The following KICS2 variants were observed in gnomAD, a reference collection of about 807,000 sequenced individuals.
The protein encoded by KICS2 is KICSTOR subunit 2.
In KICS2, 13 loss-of-function variants were observed where a neutral mutation model predicts 31.4. The ratio of observed to expected loss-of-function variants is 0.41; its 90% CI spans 0.27 to 0.66. The LOEUF is 0.66. Ranked by LOEUF, KICS2 falls within the 30% of genes least tolerant of loss-of-function variation. The pLI is 0.28. For missense variants in KICS2, 455 were observed against 545.4 expected (o/e 0.83, Z 1.65); for synonymous variants, 209 against 214.8 (o/e 0.97, Z 0.24).
intron 2 of KICS2, among the ~76,000 whole-genome samples, chr12:64,195,668 T>A (rs979418114): frequency 5.9e-5 from 9 of 152,222 alleles, no homozygotes; most frequent in Admixed American, 3.3e-4. Flanking sequence ...ACGGGTGATT[T>A]CTGCATTTCC....
At chr12:64,201,861 C>G (rs1228571447) in intron 2 of KICS2, among the ~76,000 whole-genome samples, 1 of 151,708 alleles carries the variant, frequency 6.6e-6, no homozygotes, top group African/African-American at 2.4e-5. Context: ...AACAAACAAA[C>G]AAACAAATGG....
At position 64,193,498 on chromosome 12, in the gene KICS2, T is replaced by C. The variant is rs1246904797; in HGVS notation, c.*344A>G. ...ACAGAGAGGCTGTTTGGAATTGCAG[T>C]AGAACACAATGTTTAGAACAACAGA... On this transcript the variant is annotated 3_prime_UTR_variant, in exon 3 of 3. Coordinates refer to ENST00000398055, the MANE Select transcript of KICS2 (RefSeq NM_152440.5). 2.9e-6 allele frequency: 3 copies of C among 1,034,852 alleles called. No homozygotes were observed. Among genetic ancestry groups the C allele is most frequent in the African/African-American group, 1.7e-5 (1 of 58,646 alleles). The allele number at this position is 1,034,852 out of a possible 1,614,324, so 64.1% of individuals were successfully genotyped here.
At chr12:64,187,533 G>A (rs1294956773), downstream of KICS2, 2 of 1,084,156 alleles carry the variant, frequency 1.8e-6, no homozygotes, top group African/African-American at 3.1e-5. Flanking sequence ...CATATCAAGA[G>A]AAGTCTCCAA....
intron 2 of KICS2, among the ~76,000 whole-genome samples, chr12:64,196,775 A>AC (rs1195290409): frequency 4.1e-5 from 6 of 147,210 alleles, no homozygotes; most frequent in African/African-American, 1.5e-4. Context: ...GGAGCTGAAA[A>AC]CCAAGGCTCG....
chr12:64,196,333 G>A (rs1015145015), intron 2 of KICS2, among the ~76,000 whole-genome samples: 119 of 151,822 alleles, frequency 7.8e-4, no homozygotes, highest in Non-Finnish European at 1.5e-3. Flanking sequence ...CCCCCCAGCA[G>A]GGGCAGACTG....
intron 1 of KICS2, among the ~76,000 whole-genome samples, chr12:64,218,911 C>T (rs1187427999): frequency 6.6e-6 from 1 of 152,196 alleles, no homozygotes; most frequent in East Asian, 1.9e-4. Context: ...TCAAAGCTCT[C>T]AGGAACCCAA....
chr12:64,215,595 A>G (rs1308446616), intron 2 of KICS2, 83 bp downstream of exon 2: 9 of 1,187,558 alleles, frequency 7.6e-6, no homozygotes, highest in African/African-American at 4.6e-5. Context: ...ACAGATTTTC[A>G]TAAGAGTGTG....
chr12:64,219,482 C>T (rs2136709453), intron 1 of KICS2, among the ~76,000 whole-genome samples: 1 of 152,274 alleles, frequency 6.6e-6, no homozygotes, highest in South Asian at 2.1e-4. Flanking sequence ...CAAGGTCTAT[C>T]CTTTGTCTAA....
At chr12:64,202,318 G>C (rs779552348) in intron 2 of KICS2, among the ~76,000 whole-genome samples, 4 of 152,014 alleles carry the variant, frequency 2.6e-5, no homozygotes, top group Non-Finnish European at 5.9e-5. Context: ...GGCTGAGGTG[G>C]GAAGATCACC....
rs1332656482 is a variant in KICS2 at position 64,197,484 on chromosome 12, C to T, written c.522-2826G>A. 6.6e-5 allele frequency among the ~76,000 whole-genome samples: 10 copies of T among 150,874 alleles called. 1 individual carries two copies. Among genetic ancestry groups the T allele is most frequent in the East Asian group, 3.9e-4 (2 of 5,148 alleles). ...ATGGAAAGGAACAACCAGTACCAGC[C>T]GCTGCAAAATCATGCCAAAATGTAA... On this transcript the variant is annotated intron_variant, in intron 2 of 2. Transcript: ENST00000398055.
rs1477330808 is a variant in KICS2, at chr12:64,193,576, T to C, written c.*266A>G. The stretch of plus-strand genomic sequence containing the variant: ...ATAAATATTCAATCTACAAGAAATA[T>C]AGCAAAATAGGGGAAAATACTGAAA... On this transcript the variant is annotated 3_prime_UTR_variant, in exon 3 of 3. Transcript: ENST00000398055. The C allele has an allele frequency of 8.3e-6, 10 of 1,200,800 alleles. No homozygotes were observed. Among genetic ancestry groups the C allele is most frequent in the African/African-American group, 1.6e-5 (1 of 64,020 alleles). 74.4% of individuals were successfully genotyped at this position (1,200,800 alleles called of 1,614,324 possible).
rs866246382 is a variant in KICS2, at chr12:64,206,470, G to C, written c.521+9208C>G. On this transcript the variant is annotated intron_variant, in intron 2 of 2. Transcript: ENST00000398055. ...CACTGGACCTTCCATGGCAGAAGGA[G>C]GTATTTATAATGAATACAAAGTAGA... is the stretch of plus-strand genomic sequence containing the variant. 1.3e-5 allele frequency among the ~76,000 whole-genome samples: 2 copies of C among 152,074 alleles called. 1 individual carries two copies. Among genetic ancestry groups the C allele is most frequent in the South Asian group, 4.1e-4 (2 of 4,824 alleles).
downstream of KICS2, among the ~76,000 whole-genome samples, chr12:64,189,023 C>T (rs1161283173): frequency 2.0e-5 from 3 of 151,980 alleles, no homozygotes; most frequent in Non-Finnish European, 2.9e-5. Flanking sequence ...CATGGTGGCA[C>T]GTGCCTGTAG....
At chr12:64,219,424 C>G (rs1272650464) in intron 1 of KICS2, among the ~76,000 whole-genome samples, 1 of 152,098 alleles carries the variant, frequency 6.6e-6, no homozygotes, top group Non-Finnish European at 1.5e-5. Flanking sequence ...GGGCCCTACT[C>G]GAAGTTTTTC....
chr12:64,208,298 T>G (rs1429136566), intron 2 of KICS2, among the ~76,000 whole-genome samples: 3 of 152,338 alleles, frequency 2.0e-5, no homozygotes, highest in Non-Finnish European at 4.4e-5. Flanking sequence ...CATTAGACAC[T>G]GCGCCTGGCC....
chr12:64,222,030 T>G lies in KICS2; in HGVS notation c.208A>C (p.Ser70Arg). 6.2e-7 allele frequency: 1 copy of G among 1,613,662 alleles called. No individual in the cohort carries two copies. The highest frequency in any genetic ancestry group is 8.5e-7 in the Non-Finnish European group (1 of 1,179,876). Residue 70 changes from serine (S) to arginine (R), a missense_variant, in exon 1 of 3, where the codon AGC becomes CGC. Ser to Arg is a moderately radical substitution (Grantham distance 110). Transcript: ENST00000398055. ...HLAAAEKVYH[S>R]LTYLGQKLGG... Reference sequence around the variant, plus strand: ...AGTTTCTGCCCCAGGTAGGTGAGGCTGTGATAGACCTTCTCGGCCGCGGCC... The same window carrying G: ...AGTTTCTGCCCCAGGTAGGTGAGGCGGTGATAGACCTTCTCGGCCGCGGCC...
chr12:64,205,462 G>A (rs547171458), intron 2 of KICS2, among the ~76,000 whole-genome samples: 5 of 152,164 alleles, frequency 3.3e-5, no homozygotes, highest in East Asian at 1.9e-4. Context: ...TTCACAACTC[G>A]TATCATAGGA....
chr12:64,205,715 AG>A, intron 2 of KICS2, among the ~76,000 whole-genome samples: 1 of 133,634 alleles, frequency 7.5e-6, no homozygotes, highest in Non-Finnish European at 1.7e-5. Context: ...GAAGGAAGGA[AG>A]GGAGGGAGGG....
rs35532711 is a variant in KICS2, at chr12:64,207,301, CAAAAAAAA to C, written c.521+8369_521+8376del. On this transcript the variant is annotated intron_variant, in intron 2 of 2. Transcript: ENST00000398055. ...CCAAGGTGATAGAGCCAACTCGTCT[CAAAAAAAA>C]AAAAAAAAAAAAAAAAGAGATGGCA... 5.8e-3 allele frequency among the ~76,000 whole-genome samples: 332 copies of C among 57,384 alleles called. 1 individual carries two copies. The highest frequency in any genetic ancestry group is 0.021 in the African/African-American group (314 of 15,246). The allele number at this position is 57,384 out of a possible 152,430, so 37.6% of individuals were successfully genotyped here.
Sources: gnomAD v4.1 joint callset for allele counts (sites outside exome capture counted in the v4.1 genomes callset) on GRCh38, gnomAD v4.1.1 for gene constraint, MANE v1.5 for transcripts, NCBI Gene and HGNC (gene_info 2026-07-23, HGNC 2026-07-21) for gene names.